IFI44L: variants seen among roughly 807,000 people sequenced by gnomAD.
IFI44L encodes the protein interferon-induced protein 44-like.
In IFI44L, 40 loss-of-function variants were observed where a neutral mutation model predicts 39.3. The ratio of observed to expected loss-of-function variants is 1.02; its 90% confidence interval spans 0.79 to 1.33. The LOEUF (loss-of-function observed/expected upper bound fraction) is 1.33, where lower values mean the gene tolerates loss of function less well. IFI44L is among the 40% of genes most tolerant of loss of function. IFI44L has a pLI of 0.00. For synonymous variants in IFI44L, 198 were observed against 182.3 expected (o/e 1.09, Z -0.69); for missense variants, 623 against 549.0 (o/e 1.13, Z -1.35).
At chr1:78,627,767 C>G in intron 1 of IFI44L, 139 bp from the exon 2 acceptor site, 1 of 399,458 alleles carries the variant, frequency 2.5e-6, no homozygotes, top group Non-Finnish European at 4.4e-6. Flanking sequence ...TATATTTTTG[C>G]TATATTTTTT....
Position 78,646,124 on chromosome 1 carries a change from A to G in IFI44L, c.*4315A>G, listed in dbSNP as rs1489051904. 4 of 152,228 alleles carry G rather than the reference A, an allele frequency of 2.6e-5. No homozygotes were observed. In the South Asian group the frequency reaches 8.3e-4, roughly 31 times the overall value. The allele number at this position is 152,228 out of a possible 1,614,324, so 9.4% of individuals were successfully genotyped here. On this transcript the variant is annotated 3_prime_UTR_variant, in exon 9 of 9. Transcript: ENST00000370751. ...AATATATGTCACATTTTTAAAATAAATGCAAAGAAGCATACATCCAAGCCA... is the reference window on the plus strand; with the variant it reads ...AATATATGTCACATTTTTAAAATAAGTGCAAAGAAGCATACATCCAAGCCA...
At chr1:78,625,138 G>A (rs1313281630) in intron 1 of IFI44L, among the ~76,000 whole-genome samples, 4 of 151,616 alleles carry the variant, frequency 2.6e-5, no homozygotes, top group South Asian at 2.1e-4. Flanking sequence ...AAAGAGATTG[G>A]CCTGTAATTT....
In IFI44L at chr1:78,644,174, C is replaced by G. The variant is rs1446649704; in HGVS notation, c.*2365C>G. On this transcript the variant is annotated 3_prime_UTR_variant, in exon 9 of 9. Transcript: ENST00000370751. ...ACCAACTTTTGGGCCATAATTCACC[C>G]AACCCTTTGGTGGAGCCTGAAAAAA... 2.6e-5 allele frequency: 4 copies of G among 152,172 alleles called. No homozygotes were observed. Among genetic ancestry groups the G allele is most frequent in the African/African-American group, 9.6e-5 (4 of 41,508 alleles). The allele number at this position is 152,172 out of a possible 1,614,324, so 9.4% of individuals were successfully genotyped here. A position where few individuals can be genotyped will look rare whatever the true frequency, so the allele number is the denominator to read the frequency against.
At chr1:78,622,235 T>C (rs1557680811) in intron 1 of IFI44L, among the ~76,000 whole-genome samples, 1 of 152,192 alleles carries the variant, frequency 6.6e-6, no homozygotes, top group Non-Finnish European at 1.5e-5. Flanking sequence ...TCCAGTTCCG[T>C]CCATGTTGCT....
intron 1 of IFI44L, among the ~76,000 whole-genome samples, chr1:78,622,860 G>A (rs577661577): frequency 6.2e-4 from 95 of 152,312 alleles, no homozygotes; most frequent in African/African-American, 2.0e-3. Context: ...GAGCTTGGAA[G>A]CATGTCCTTC....
intron 6 of IFI44L, 120 bp downstream of exon 6, chr1:78,637,323 G>A (rs1652986793): frequency 2.9e-6 from 2 of 683,748 alleles, no homozygotes; most frequent in Non-Finnish European, 2.4e-6. Context: ...TGGAGTGGTG[G>A]CCATCGGAGG....
chr1:78,623,427 A>T lies in IFI44L; in HGVS notation c.-11+2856A>T, dbSNP rs199558089. 8.6e-3 allele frequency among the ~76,000 whole-genome samples: 816 copies of T among 94,612 alleles called. 6 individuals are homozygous for T. Among genetic ancestry groups the T allele is most frequent in the East Asian group, 0.057 (95 of 1,662 alleles). The allele number at this position is 94,612 out of a possible 152,430, so 62.1% of individuals were successfully genotyped here. On this transcript the variant is annotated intron_variant, in intron 1 of 8. Transcript: ENST00000370751. Reference sequence around the variant, plus strand: ...TTTTTTTTTTTTTTTTTTTTTTTTTAAATCATGGAAGGACTTGGGTTTTAT... The same window carrying T: ...TTTTTTTTTTTTTTTTTTTTTTTTTTAATCATGGAAGGACTTGGGTTTTAT...
In IFI44L at chr1:78,641,565, G is replaced by T. The variant is rs373251848; in HGVS notation, c.1280G>T (p.Arg427Leu). ...CTCTCTGCACTGAGGCAGATGCTGC[G>T]GGCTGCAGATGATTTTTTAGAAGAT... ...LILSALRQML[R>L]AADDFLEDLP... Residue 427 changes from arginine to leucine, a missense_variant, in exon 8 of 9, where the codon CGG (arginine) becomes CTG (leucine). Arg to Leu is a moderately radical substitution (Grantham distance 102). Transcript: ENST00000370751. The T allele has an allele frequency of 1.9e-6, 3 of 1,613,596 alleles. No individual in the cohort carries two copies. In the African/African-American group the frequency reaches 4.0e-5, roughly 22 times the overall value.
chr1:78,625,347 GTA>G (rs1475548146), intron 1 of IFI44L, among the ~76,000 whole-genome samples: 2 of 151,994 alleles, frequency 1.3e-5, no homozygotes, highest in Non-Finnish European at 2.9e-5. Flanking sequence ...GTCAAATTTT[GTA>G]TTTACTTTTA....
At chr1:78,631,161 A>G (rs1432461358) in intron 4 of IFI44L, among the ~76,000 whole-genome samples, 1 of 152,160 alleles carries the variant, frequency 6.6e-6, no homozygotes, top group Admixed American at 6.5e-5. Flanking sequence ...TTGAAGAAAT[A>G]TAGGGCAGAC....
intron 4 of IFI44L, chr1:78,631,655 A>T (rs761727994): frequency 1.2e-4 from 19 of 152,188 alleles, no homozygotes; most frequent in African/African-American, 4.6e-4. Context: ...ATATCCTTGC[A>T]ATAAGATTGA....
Position 78,644,491 on chromosome 1 carries a change from A to G in IFI44L, c.*2682A>G, listed in dbSNP as rs1647025376. 1 of 152,164 alleles carries G rather than the reference A, an allele frequency of 6.6e-6. No homozygotes were observed. Among genetic ancestry groups the G allele is most frequent in the Non-Finnish European group, 1.5e-5 (1 of 68,008 alleles). The allele number at this position is 152,164 out of a possible 1,614,324, so 9.4% of individuals were successfully genotyped here. ...TTAAACATCAAATGGAGTTAAATAC[A>G]TATTTGAAATTTAGGTTAGGAAATA... On this transcript the variant is annotated 3_prime_UTR_variant, in exon 9 of 9. Transcript: ENST00000370751.
Position 78,640,738 on chromosome 1 carries a change from C to T in IFI44L, c.1049-283C>T, listed in dbSNP as rs557973937. Among the ~76,000 whole-genome samples the T allele has an allele frequency of 2.0e-5, 3 of 152,054 alleles. No homozygotes were observed. In the East Asian group the frequency reaches 5.8e-4, roughly 29 times the overall value. On this transcript the variant is annotated intron_variant, in intron 6 of 8. Coordinates refer to ENST00000370751, the MANE Select transcript of IFI44L (RefSeq NM_006820.4). ...CCCAAAGTCCAGCAACCCCTTTTTTCCCCTTGACCAATTTAAAACAAACCA... is the reference window on the plus strand; with the variant it reads ...CCCAAAGTCCAGCAACCCCTTTTTTTCCCTTGACCAATTTAAAACAAACCA...
chr1:78,625,390 A>C (rs1002712858), intron 1 of IFI44L, among the ~76,000 whole-genome samples: 1 of 152,048 alleles, frequency 6.6e-6, no homozygotes, highest in Non-Finnish European at 1.5e-5. Context: ...ATTTTTCTAG[A>C]AATTTGTCCA....
chr1:78,634,146 A>C (rs1233161827), intron 4 of IFI44L, among the ~76,000 whole-genome samples: 1 of 152,108 alleles, frequency 6.6e-6, no homozygotes, highest in Admixed American at 6.6e-5. Context: ...AAGTAATAGA[A>C]ATCTTAAGTA....
chr1:78,629,535 C>CA, intron 3 of IFI44L, 185 bp from the exon 4 acceptor site: 1 of 453,384 alleles, frequency 2.2e-6, no homozygotes, highest in Non-Finnish European at 3.8e-6. Context: ...TCTTTAAGCA[C>CA]AAAATGTATA....
chr1:78,621,015 G>GA (rs1361497812), intron 1 of IFI44L: 1 of 152,132 alleles, frequency 6.6e-6, no homozygotes, highest in African/African-American at 2.4e-5. Flanking sequence ...TGTGTGTGAA[G>GA]AAAAAAGCTT....
At chr1:78,631,666 A>C (rs1056486334) in intron 4 of IFI44L, 1 of 152,174 alleles carries the variant, frequency 6.6e-6, no homozygotes, top group Admixed American at 6.6e-5. Context: ...ATAAGATTGA[A>C]TGTGTTTATC....
At chr1:78,639,935 G>T (rs1653099173) in intron 6 of IFI44L, among the ~76,000 whole-genome samples, 1 of 152,064 alleles carries the variant, frequency 6.6e-6, no homozygotes, top group Admixed American at 6.6e-5. Flanking sequence ...CCTCGAGAAA[G>T]GTAATTTAAT....
Sources: gnomAD v4.1 joint callset for allele counts (sites outside exome capture counted in the v4.1 genomes callset) on GRCh38, gnomAD v4.1.1 for gene constraint, MANE v1.5 for transcripts, NCBI Gene and HGNC (gene_info 2026-07-23, HGNC 2026-07-21) for gene names.